The following RIN2 variants were observed in gnomAD, a reference collection of about 807,000 sequenced individuals.
RIN2 encodes the protein Ras and Rab interactor 2.
Under a neutral mutation model 78.0 loss-of-function variants are expected in RIN2, and 36 were observed. The observed-to-expected ratio is 0.46, with a 90% CI of 0.35 to 0.61. RIN2 has a LOEUF of 0.61. Among genes scored for constraint, RIN2 ranks in the 20% least tolerant of loss-of-function variants. The pLI is 0.00. For synonymous variants in RIN2, 466 were observed against 466.8 expected (o/e 1.00, Z 0.02); for missense variants, 1,087 against 1,159.7 (o/e 0.94, Z 0.91).
At chr20:19,870,813 A>G (rs780440828) in intron 2 of RIN2, among the ~76,000 whole-genome samples, 4 of 152,170 alleles carry the variant, frequency 2.6e-5, no homozygotes, top group Non-Finnish European at 4.4e-5. Flanking sequence ...CTCTGTTGTA[A>G]TATCCTCTAA....
intron 3 of RIN2, among the ~76,000 whole-genome samples, chr20:19,904,240 A>AATATATATATATATATATATAAAAT (rs1246243400): frequency 3.3e-4 from 30 of 91,708 alleles, no homozygotes; most frequent in Non-Finnish European, 6.6e-4. Context: ...TCAAAAAAAA[A>AATATATATATATATATATATAAAAT]ATATATATAT....
In RIN2 at chr20:19,844,661, TTCTTCTTC is replaced by T. The variant is rs1568807564; in HGVS notation, c.-36-44904_-36-44897del. On this transcript the variant is annotated intron_variant, in intron 2 of 12. Transcript: ENST00000255006. ...CTTCTTCTTCTTCTTCTTCTTCTTC[TTCTTCTTC>T]CTTCTTCTTCTTCTTCCTCTTCCTC... 2.1e-3 allele frequency among the ~76,000 whole-genome samples: 289 copies of T among 135,980 alleles called. 7 individuals are homozygous for T. The highest frequency in any genetic ancestry group is 5.1e-3 in the East Asian group (24 of 4,696). The allele number at this position is 135,980 out of a possible 152,430, so 89.2% of individuals were successfully genotyped here.
At chr20:19,854,863 A>G (rs1445715004) in intron 2 of RIN2, among the ~76,000 whole-genome samples, 1 of 152,022 alleles carries the variant, frequency 6.6e-6, no homozygotes, top group Admixed American at 6.6e-5. Context: ...CTAATTGAAT[A>G]CCCTTTATTT....
intron 4 of RIN2, among the ~76,000 whole-genome samples, chr20:19,941,069 C>T (rs895475261): frequency 3.9e-5 from 6 of 152,182 alleles, no homozygotes; most frequent in South Asian, 2.1e-4. Context: ...GAGATGCCTG[C>T]GGTCCCATGT....
At chr20:19,860,530 C>T (rs1397262182) in intron 2 of RIN2, among the ~76,000 whole-genome samples, 2 of 152,080 alleles carry the variant, frequency 1.3e-5, no homozygotes, top group East Asian at 3.9e-4. Context: ...ACCATGTTGG[C>T]CATACTCGTC....
At chr20:19,812,017 G>C (rs576717177) in intron 2 of RIN2, among the ~76,000 whole-genome samples, 27 of 151,704 alleles carry the variant, frequency 1.8e-4, no homozygotes, top group African/African-American at 6.3e-4. Flanking sequence ...TCAACATAGT[G>C]TTATTAAAGT....
intron 4 of RIN2, among the ~76,000 whole-genome samples, chr20:19,942,118 A>AAAAAAAAAAAAAAAG (rs61328325): frequency 3.5e-5 from 5 of 142,998 alleles, no homozygotes; most frequent in East Asian, 2.1e-4. Context: ...TCAAAAAAAA[A>AAAAAAAAAAAAAAAG]AAAAGAAAGA....
intron 2 of RIN2, among the ~76,000 whole-genome samples, chr20:19,882,685 G>A (rs1210071559): frequency 2.0e-5 from 3 of 152,160 alleles, no homozygotes; most frequent in African/African-American, 7.2e-5. Context: ...CATATGTTGT[G>A]TGACCACTGA....
At chr20:19,778,763 A>T (rs1302843026) in intron 1 of RIN2, among the ~76,000 whole-genome samples, 2 of 152,154 alleles carry the variant, frequency 1.3e-5, no homozygotes, top group Non-Finnish European at 2.9e-5. Flanking sequence ...TTCTGAAGTT[A>T]GGGAACTTCT....
intron 2 of RIN2, among the ~76,000 whole-genome samples, chr20:19,824,510 CCTT>C (rs552481877): frequency 1.8e-4 from 27 of 151,980 alleles, no homozygotes; most frequent in African/African-American, 6.5e-4. Context: ...CCTTCAAGGC[CCTT>C]CTTTTGCCCA....
At chr20:19,949,277 G>A (rs886553533) in intron 4 of RIN2, among the ~76,000 whole-genome samples, 3 of 152,152 alleles carry the variant, frequency 2.0e-5, no homozygotes, top group Non-Finnish European at 2.9e-5. Context: ...GCCAGACTCC[G>A]TCTCAAAATA....
Position 19,954,347 on chromosome 20 carries a change from G to A in RIN2, c.159-2268G>A, listed in dbSNP as rs551024220. 7.2e-5 allele frequency among the ~76,000 whole-genome samples: 11 copies of A among 152,270 alleles called. No homozygotes were observed. In the East Asian group the frequency reaches 7.7e-4, roughly 11 times the overall value. On this transcript the variant is annotated intron_variant, in intron 4 of 12. Transcript: ENST00000255006. ...AGAGGATTGAAGACCATATGTACCC[G>A]AATCTAAACCTGCTTGTTTGGACAT... is the stretch of plus-strand genomic sequence containing the variant.
At position 19,974,856 on chromosome 20, in the gene RIN2, G is replaced by C. The variant is rs756831837; in HGVS notation, c.831G>C (p.Leu277Phe). Residue 277 changes from leucine to phenylalanine, a missense_variant, in exon 9 of 13, where the codon TTG becomes TTC. Leu to Phe is a conservative substitution (Grantham distance 22). Coordinates refer to ENST00000255006, the MANE Select transcript of RIN2 (RefSeq NM_018993.4). ...TGTGCTTTATTAATCCCCTTTTCTTGAAAGTGCACAGCCAGGACCTCAGTG... is the reference window on the plus strand; with the variant it reads ...TGTGCTTTATTAATCCCCTTTTCTTCAAAGTGCACAGCCAGGACCTCAGTG... ...GALCFINPLF[L>F]KVHSQDLSGG... The C allele has an allele frequency of 1.3e-5, 21 of 1,613,862 alleles. No individual in the cohort carries two copies. Among genetic ancestry groups the C allele is most frequent in the Non-Finnish European group, 2.5e-6 (3 of 1,179,900 alleles).
chr20:19,809,884 A>G (rs978456713), intron 2 of RIN2, among the ~76,000 whole-genome samples: 1 of 152,210 alleles, frequency 6.6e-6, no homozygotes, highest in Non-Finnish European at 1.5e-5. Flanking sequence ...GAAATTGAAG[A>G]AAGACACTTC....
At chr20:19,978,482 C>T (rs977979074) in intron 9 of RIN2, among the ~76,000 whole-genome samples, 1 of 152,166 alleles carries the variant, frequency 6.6e-6, no homozygotes, top group Non-Finnish European at 1.5e-5. Flanking sequence ...TTCCTTTTGC[C>T]CATGTGCTGG....
chr20:19,770,875 C>T (rs79634597), intron 1 of RIN2, among the ~76,000 whole-genome samples: 1 of 19,066 alleles, frequency 5.2e-5, no homozygotes, highest in Non-Finnish European at 9.0e-5. Context: ...CTGCCCCCAC[C>T]CCCCCCCCCC....
intron 1 of RIN2, among the ~76,000 whole-genome samples, chr20:19,783,584 C>T (rs1202183518): frequency 5.9e-5 from 9 of 152,074 alleles, no homozygotes; most frequent in Non-Finnish European, 8.8e-5. Flanking sequence ...CTCCCGAAGC[C>T]GGCTCTGAAC....
Position 19,876,676 on chromosome 20 carries a change from A to T in RIN2, c.-36-12890A>T, listed in dbSNP as rs149994701. Among the ~76,000 whole-genome samples, 1,180 of 152,280 alleles carry T rather than the reference A, an allele frequency of 7.7e-3. 11 individuals carry two copies. Among genetic ancestry groups the T allele is most frequent in the African/African-American group, 0.027 (1,134 of 41,566 alleles). On this transcript the variant is annotated intron_variant, in intron 2 of 12. Transcript: ENST00000255006. ...TCCCAGCACTTTGGGAGGCTGAGGC[A>T]GGCAGATCACTTGAGATCAGGAGTT...
intron 9 of RIN2, among the ~76,000 whole-genome samples, chr20:19,979,467 A>G (rs6046502): frequency 0.3 from 45,715 of 152,068 alleles, 7,347 homozygotes; most frequent in East Asian, 0.52. Flanking sequence ...CGATTTACGT[A>G]TCTGAGTGTT....
Sources: allele counts gnomAD v4.1 joint callset (sites outside exome capture counted in the v4.1 genomes callset), GRCh38; gene constraint gnomAD v4.1.1; transcripts MANE v1.5; gene names NCBI Gene and HGNC (gene_info 2026-07-23, HGNC 2026-07-21).